The following FAM120B variants were observed in gnomAD, a reference collection of about 807,000 sequenced individuals.
FAM120B encodes family with sequence similarity 120 member B, also known as constitutive coactivator of peroxisome proliferator-activated receptor gamma.
In FAM120B, 83 loss-of-function variants were observed where a neutral mutation model predicts 96.3. That is an observed-to-expected ratio of 0.86 (90% CI 0.72 to 1.03). The LOEUF is 1.03. Ranked by LOEUF, FAM120B falls within the 50% of genes least tolerant of loss-of-function variation. FAM120B has a pLI of 0.00. For missense variants in FAM120B, 1,027 were observed against 1,121.2 expected (o/e 0.92, Z 1.20); for synonymous variants, 407 against 402.7 (o/e 1.01, Z -0.13).
At chr6:170,324,976 T>C (rs1174511729) in intron 3 of FAM120B, among the ~76,000 whole-genome samples, 1 of 152,274 alleles carries the variant, frequency 6.6e-6, no homozygotes, top group Non-Finnish European at 1.5e-5. Flanking sequence ...AGTCTTTTAC[T>C]GATTTTCTGT....
intron 6 of FAM120B, among the ~76,000 whole-genome samples, chr6:170,376,482 G>T (rs575949035): frequency 1.3e-5 from 2 of 151,924 alleles, no homozygotes; most frequent in East Asian, 3.9e-4. Flanking sequence ...GAACACGGGG[G>T]TGGGGGGGAG....
chr6:170,388,680 C>G (rs1284673202), intron 7 of FAM120B, among the ~76,000 whole-genome samples, 187 bp downstream of exon 7: 1 of 152,170 alleles, frequency 6.6e-6, no homozygotes, highest in African/African-American at 2.4e-5. Flanking sequence ...GGCTGAATAT[C>G]CCTTATCTGA....
At chr6:170,372,018 T>G (rs929376520) in intron 6 of FAM120B, among the ~76,000 whole-genome samples, 2 of 152,222 alleles carry the variant, frequency 1.3e-5, no homozygotes, top group African/African-American at 4.8e-5. Context: ...AAGTAGGTAG[T>G]TGACTCTCAT....
chr6:170,292,304 T>C (rs530449908), upstream of FAM120B, among the ~76,000 whole-genome samples: 10 of 152,216 alleles, frequency 6.6e-5, no homozygotes, highest in Admixed American at 6.5e-4. The surrounding 1 kb of genome is among the most constrained non-coding windows in gnomAD (Gnocchi z 6.6). Flanking sequence ...CAATGAATTA[T>C]CTAAATTGCC....
At chr6:170,329,926 T>C (rs546552896) in intron 3 of FAM120B, among the ~76,000 whole-genome samples, 1 of 152,308 alleles carries the variant, frequency 6.6e-6, no homozygotes, top group South Asian at 2.1e-4. Flanking sequence ...GTCTGACTGA[T>C]GATCACCTTT....
In FAM120B at chr6:170,358,315, A is replaced by G. The variant is rs748187326; in HGVS notation, c.2280A>G (p.Leu760=). 3.7e-6 allele frequency: 6 copies of G among 1,601,664 alleles called. No individual in the cohort carries two copies. In the East Asian group the frequency reaches 1.1e-4, roughly 30 times the overall value. ...QGKSTSQLVN[L]QPDYINPRAV... is the part of the protein sequence containing the mutation. Reference sequence around the variant, plus strand: ...AATCCACCTCGCAGCTTGTAAATCTACAGGTACAGACGTGACCAGTTAGTT... The same window carrying G: ...AATCCACCTCGCAGCTTGTAAATCTGCAGGTACAGACGTGACCAGTTAGTT... The change falls in exon 6 of 11, where the codon CTA becomes CTG. Residue 760 remains leucine (L), a synonymous_variant. Transcript: ENST00000476287.
chr6:170,390,511 A>G (rs1357815989), intron 7 of FAM120B, among the ~76,000 whole-genome samples: 1 of 151,916 alleles, frequency 6.6e-6, no homozygotes, highest in African/African-American at 2.4e-5. Flanking sequence ...AATATTCAAC[A>G]ATAAAACAGG....
chr6:170,378,901 G>A (rs903966015), intron 6 of FAM120B, among the ~76,000 whole-genome samples: 4 of 152,268 alleles, frequency 2.6e-5, no homozygotes, highest in Admixed American at 2.0e-4. Flanking sequence ...AGCTTTCTGT[G>A]AGAAGAGCGT....
chr6:170,340,669 G>C, intron 4 of FAM120B, among the ~76,000 whole-genome samples: 1 of 152,140 alleles, frequency 6.6e-6, no homozygotes, highest in African/African-American at 2.4e-5. Flanking sequence ...CTTTGGATGG[G>C]GTTTTTGTGT....
At chr6:170,398,203 T>C (rs1192940445) in intron 9 of FAM120B, among the ~76,000 whole-genome samples, 1 of 152,272 alleles carries the variant, frequency 6.6e-6, no homozygotes, top group Non-Finnish European at 1.5e-5. Flanking sequence ...CCATCAGGCA[T>C]CTGGCCTGGA....
intron 5 of FAM120B, among the ~76,000 whole-genome samples, chr6:170,357,433 T>G (rs887897759): frequency 6.6e-6 from 1 of 152,180 alleles, no homozygotes; most frequent in Non-Finnish European, 1.5e-5. Context: ...CCAAGCAGTG[T>G]TCAGTCTGTC....
At chr6:170,381,892 C>G (rs1222832837) in intron 6 of FAM120B, among the ~76,000 whole-genome samples, 1 of 152,022 alleles carries the variant, frequency 6.6e-6, no homozygotes, top group African/African-American at 2.4e-5. Context: ...CCCCTACAGC[C>G]AATGTAACAC....
intron 1 of FAM120B, among the ~76,000 whole-genome samples, chr6:170,313,878 G>C (rs1185698140): frequency 6.6e-6 from 1 of 152,234 alleles, no homozygotes; most frequent in Non-Finnish European, 1.5e-5. Context: ...GTCCCGCAGA[G>C]GCTGCTGTCC....
chr6:170,347,574 G>A (rs1787274149), intron 4 of FAM120B, among the ~76,000 whole-genome samples: 1 of 152,192 alleles, frequency 6.6e-6, no homozygotes, highest in Admixed American at 6.5e-5. Flanking sequence ...GCTTTCCAAA[G>A]CCTGGGGTCC....
chr6:170,305,076 T>C (rs1224419399), upstream of FAM120B, among the ~76,000 whole-genome samples: 1 of 152,050 alleles, frequency 6.6e-6, no homozygotes, highest in Non-Finnish European at 1.5e-5. Flanking sequence ...CTATTCCCAT[T>C]CATGAGGCTC....
In FAM120B at chr6:170,395,520, G is replaced by A. The variant is rs776724376; in HGVS notation, c.2633G>A (p.Arg878Lys). The A allele has an allele frequency of 3.7e-6, 6 of 1,600,516 alleles. No homozygotes were observed. The highest frequency in any genetic ancestry group is 4.3e-6 in the Non-Finnish European group (5 of 1,173,658). Reference sequence around the variant, plus strand: ...GGAAGACAGGGCTCCAGCTACCACAGGACGGGCTCTGGGTATAGCCGTTCC... The same window carrying A: ...GGAAGACAGGGCTCCAGCTACCACAAGACGGGCTCTGGGTATAGCCGTTCC... ...RWGRQGSSYH[R>K]TGSGYSRSSQ... Residue 878 changes from arginine (R) to lysine (K), a missense_variant, in exon 9 of 11, where the codon AGG (arginine) becomes AAG (lysine). Around this residue, in one of 3 missense-constraint regions of FAM120B, gnomAD observed 142 missense variants for 122.5 expected, o/e 1.16. Coordinates refer to ENST00000476287, the MANE Select transcript of FAM120B (RefSeq NM_032448.3).
chr6:170,291,127 C>G (rs1199198429), upstream of FAM120B: 1 of 546,796 alleles, frequency 1.8e-6, no homozygotes, highest in South Asian at 1.5e-5. Context: ...CTTCCCCGCC[C>G]CCCCAGTCCT....
At chr6:170,332,225 T>C (rs950039865) in intron 4 of FAM120B, among the ~76,000 whole-genome samples, 1 of 152,376 alleles carries the variant, frequency 6.6e-6, no homozygotes. Flanking sequence ...GACTCCTTAT[T>C]TACACTTGCA....
rs1273717725 is a variant in FAM120B, at chr6:170,318,262, G to A, written c.872G>A (p.Gly291Glu). 3 of 1,614,062 alleles carry A rather than the reference G, an allele frequency of 1.9e-6. No homozygotes were observed. The highest frequency in any genetic ancestry group is 2.5e-6 in the Non-Finnish European group (3 of 1,180,010). Residue 291 changes from glycine to glutamate, a missense_variant, in exon 2 of 11, where the codon GGA becomes GAA. By Grantham distance (98) the Gly-to-Glu change is moderately conservative (BLOSUM62 -2). Around this residue, in one of 3 missense-constraint regions of FAM120B, gnomAD observed 880 missense variants for 980.9 expected, o/e 0.90. Coordinates refer to ENST00000476287, the MANE Select transcript of FAM120B (RefSeq NM_032448.3). ...EKKLEEILPL[G>E]PNKALFYKGM... The stretch of plus-strand genomic sequence containing the variant: ...AAATTAGAAGAGATATTACCTCTGG[G>A]ACCAAACAAAGCTCTTTTTTATAAA...
Sources: allele counts gnomAD v4.1 joint callset (sites outside exome capture counted in the v4.1 genomes callset), GRCh38; gene constraint gnomAD v4.1.1; regional missense constraint gnomAD v4.1.1; non-coding constraint Gnocchi (gnomAD v3.1); transcripts MANE v1.5; gene names NCBI Gene and HGNC (gene_info 2026-07-23, HGNC 2026-07-21).